CDH4: variants seen among roughly 807,000 people sequenced by gnomAD.
CDH4 encodes cadherin-4.
Under a neutral mutation model 86.0 loss-of-function variants are expected in CDH4, and 33 were observed. The observed-to-expected ratio is 0.38, with a 90% confidence interval of 0.29 to 0.51. The LOEUF (loss-of-function observed/expected upper bound fraction) is 0.51. Ranked by LOEUF, CDH4 falls within the 20% of genes least tolerant of loss-of-function variation. CDH4 has a pLI of 0.86. For missense variants in CDH4, 1,114 were observed against 1,307.4 expected (o/e 0.85, Z 2.28); for synonymous variants, 555 against 549.4 (o/e 1.01, Z -0.14).
chr20:61,508,468 CTG>C (rs144206659), intron 2 of CDH4, among the ~76,000 whole-genome samples: 4,489 of 152,362 alleles, frequency 0.029, 192 homozygotes, highest in African/African-American at 0.1. Flanking sequence ...AAGCTGGTGA[CTG>C]TGGCTGGGTC....
rs1484732614 is a variant in CDH4 at position 61,383,090 on chromosome 20, TATATATATGAATATATTATATATAGA to T, written c.169+128178_169+128203del. Among the ~76,000 whole-genome samples, 32 of 115,468 alleles carry T rather than the reference TATATATATGAATATATTATATATAGA, an allele frequency of 2.8e-4. 6 individuals carry two copies. The highest frequency in any genetic ancestry group is 3.8e-3 in the Middle Eastern group (1 of 262). 75.8% of individuals were successfully genotyped at this position (115,468 alleles called of 152,430 possible). ...CATATATATATAATATATATATGAATATATATATGAATATATTATATATAGAATATATATGAATATATTATATATAT... is the reference window on the plus strand; with the variant it reads ...CATATATATATAATATATATATGAATATATATATGAATATATTATATATAT... On this transcript the variant is annotated intron_variant, in intron 2 of 15. Transcript: ENST00000614565.
At chr20:61,542,020 C>T (rs2086043289) in intron 2 of CDH4, among the ~76,000 whole-genome samples, 1 of 152,150 alleles carries the variant, frequency 6.6e-6, no homozygotes, top group African/African-American at 2.4e-5. Context: ...TTTAACTGAC[C>T]TTGAGCCTGC....
intron 2 of CDH4, among the ~76,000 whole-genome samples, chr20:61,271,126 C>T (rs2123137888): frequency 6.6e-6 from 1 of 152,226 alleles, no homozygotes; most frequent in African/African-American, 2.4e-5. Flanking sequence ...GGAATTTCAG[C>T]ACGTCAAGAT....
chr20:61,303,440 C>T (rs916684968), intron 2 of CDH4, among the ~76,000 whole-genome samples: 18 of 136,258 alleles, frequency 1.3e-4, no homozygotes, highest in African/African-American at 4.8e-4. Context: ...ACGCCCTGCC[C>T]CGTCTGGCCC....
intron 13 of CDH4, among the ~76,000 whole-genome samples, chr20:61,931,989 A>G (rs1799280826): frequency 6.6e-6 from 1 of 152,018 alleles, no homozygotes; most frequent in Non-Finnish European, 1.5e-5. Context: ...GACGCCCTGG[A>G]CTGACCCCAC....
intron 3 of CDH4, among the ~76,000 whole-genome samples, chr20:61,757,040 A>G (rs2088573454): frequency 6.6e-6 from 1 of 152,194 alleles, no homozygotes; most frequent in Non-Finnish European, 1.5e-5. Flanking sequence ...CTTGTAGACA[A>G]CGTGTCCACC....
chr20:61,555,583 C>G (rs1357969630), intron 2 of CDH4, among the ~76,000 whole-genome samples: 1 of 152,176 alleles, frequency 6.6e-6, no homozygotes, highest in Non-Finnish European at 1.5e-5. Flanking sequence ...TTATGTTCAC[C>G]TCTGCAGCCA....
At chr20:61,628,150 G>A (rs953820943) in intron 2 of CDH4, among the ~76,000 whole-genome samples, 11 of 152,292 alleles carry the variant, frequency 7.2e-5, no homozygotes, top group East Asian at 1.9e-4. Context: ...CCCGAAGCCC[G>A]CAGCTTCCTG....
intron 4 of CDH4, among the ~76,000 whole-genome samples, chr20:61,806,032 T>G (rs1196093787): frequency 6.6e-6 from 1 of 152,154 alleles, no homozygotes; most frequent in Non-Finnish European, 1.5e-5. Flanking sequence ...GCCTGGGGGC[T>G]CCTTCCGCTC....
chr20:61,259,876 G>A (rs2084119507), intron 2 of CDH4, among the ~76,000 whole-genome samples: 1 of 152,194 alleles, frequency 6.6e-6, no homozygotes, highest in East Asian at 1.9e-4. Flanking sequence ...AAACTGAGCT[G>A]GCCATGCCTT....
rs958478583 is a variant in CDH4 at position 61,588,986 on chromosome 20, G to A, written c.170-154577G>A. Among the ~76,000 whole-genome samples the A allele has an allele frequency of 1.5e-4, 23 of 152,308 alleles. 1 individual carries two copies. Among genetic ancestry groups the A allele is most frequent in the African/African-American group, 4.8e-4 (20 of 41,564 alleles). On this transcript the variant is annotated intron_variant, in intron 2 of 15. Coordinates refer to ENST00000614565, the MANE Select transcript of CDH4 (RefSeq NM_001794.5). ...GCGGAGATAAATATATGCAAACATC[G>A]ATAATTGTTTTAGTTGGAGCCGTTT...
At position 61,304,859 on chromosome 20, in the gene CDH4, TGTG is replaced by T. The variant is rs541629012; in HGVS notation, c.169+49923_169+49925del. 1.2e-4 allele frequency among the ~76,000 whole-genome samples: 12 copies of T among 98,536 alleles called. No individual in the cohort carries two copies. The South Asian group carries it at 3.0e-3, about 25-fold the overall frequency. 64.6% of individuals were successfully genotyped at this position (98,536 alleles called of 152,430 possible). A position where few individuals can be genotyped will look rare whatever the true frequency, so the allele number is the denominator to read the frequency against. ...TGTGTTGCGCATGCAGCACGTGTAT[TGTG>T]TGTGTGTGTGTTCGGTGCGTGTGTT... On this transcript the variant is annotated intron_variant, in intron 2 of 15. Coordinates refer to ENST00000614565, the MANE Select transcript of CDH4 (RefSeq NM_001794.5).
chr20:61,874,873 C>A (rs1021958548), intron 7 of CDH4, among the ~76,000 whole-genome samples: 1 of 152,212 alleles, frequency 6.6e-6, no homozygotes, highest in African/African-American at 2.4e-5. Context: ...GCCCTGCCCG[C>A]GGGAGGCTTG....
chr20:61,298,360 A>G (rs932407254), intron 2 of CDH4, among the ~76,000 whole-genome samples: 3 of 135,374 alleles, frequency 2.2e-5, no homozygotes, highest in Non-Finnish European at 3.3e-5. Flanking sequence ...CTAGACAATC[A>G]GCAGGCCCCT....
chr20:61,640,893 C>T (rs937358416), intron 2 of CDH4, among the ~76,000 whole-genome samples: 1 of 152,210 alleles, frequency 6.6e-6, no homozygotes, highest in African/African-American at 2.4e-5. Flanking sequence ...CTTAATACTG[C>T]GAGTTCCAGC....
At chr20:61,874,971 C>A (rs533336423) in intron 7 of CDH4, among the ~76,000 whole-genome samples, 7 of 152,194 alleles carry the variant, frequency 4.6e-5, no homozygotes, top group Admixed American at 4.6e-4. Context: ...CTTCTGAGTG[C>A]GTCACGGCCC....
intron 8 of CDH4, among the ~76,000 whole-genome samples, chr20:61,907,854 C>G (rs910415609): frequency 5.3e-5 from 8 of 152,324 alleles, no homozygotes; most frequent in African/African-American, 1.4e-4. Context: ...ACGGTTCCTC[C>G]CAATCCTCAG....
chr20:61,766,809 C>G (rs1363133956), intron 3 of CDH4, among the ~76,000 whole-genome samples: 1 of 152,204 alleles, frequency 6.6e-6, no homozygotes, highest in African/African-American at 2.4e-5. Context: ...CTGGCAAAGT[C>G]CTATTCACCC....
chr20:61,911,984 A>C (rs1011293693), intron 9 of CDH4, among the ~76,000 whole-genome samples: 3 of 152,210 alleles, frequency 2.0e-5, no homozygotes. Context: ...GTTGGGGCCA[A>C]TGTCACAGCT....
Sources: gnomAD v4.1 joint callset for allele counts (sites outside exome capture counted in the v4.1 genomes callset) on GRCh38, gnomAD v4.1.1 for gene constraint, MANE v1.5 for transcripts, NCBI Gene and HGNC (gene_info 2026-07-23, HGNC 2026-07-21) for gene names.